The following PCSK2 variants were observed in gnomAD, a reference collection of about 807,000 sequenced individuals.
PCSK2 encodes the protein proprotein convertase subtilisin/kexin type 2.
PCSK2 carries 14 observed loss-of-function variants against 69.7 expected under a neutral mutation model. That is an observed-to-expected ratio of 0.20 (90% CI 0.13 to 0.31). PCSK2 has a LOEUF of 0.31. Among genes scored for constraint, PCSK2 ranks in the 10% least tolerant of loss-of-function variants. PCSK2 has a pLI of 1.00. For missense variants in PCSK2, 544 were observed against 842.5 expected (o/e 0.65, Z 4.39); for synonymous variants, 307 against 320.7 (o/e 0.96, Z 0.46).
intron 1 of PCSK2, among the ~76,000 whole-genome samples, chr20:17,248,566 C>A (rs556071082): frequency 6.6e-6 from 1 of 152,164 alleles, no homozygotes; most frequent in East Asian, 1.9e-4. Context: ...CAAAAAAGGC[C>A]CAGAAAAATA....
chr20:17,270,199 A>T (rs1987806075), intron 2 of PCSK2, among the ~76,000 whole-genome samples: 1 of 152,146 alleles, frequency 6.6e-6, no homozygotes, highest in Admixed American at 6.6e-5. Context: ...CTCAAAAAAA[A>T]TTTTTTTTAA....
intron 2 of PCSK2, among the ~76,000 whole-genome samples, chr20:17,314,055 T>C (rs1989600694): frequency 6.6e-6 from 1 of 150,520 alleles, no homozygotes; most frequent in Non-Finnish European, 1.5e-5. Flanking sequence ...CCACCCACCA[T>C]GTCCCTACCC....
chr20:17,357,243 G>C (rs1173462249), intron 2 of PCSK2, among the ~76,000 whole-genome samples: 1 of 152,138 alleles, frequency 6.6e-6, no homozygotes, highest in African/African-American at 2.4e-5. Flanking sequence ...CAAGAGCTTG[G>C]GGTTCTTTCT....
intron 6 of PCSK2, among the ~76,000 whole-genome samples, chr20:17,420,486 A>T (rs906169974): frequency 6.6e-6 from 1 of 152,222 alleles, no homozygotes; most frequent in Admixed American, 6.5e-5. Flanking sequence ...ACAGCATTTA[A>T]TTTTTAAATT....
chr20:17,372,759 C>T (rs966510197), intron 5 of PCSK2, among the ~76,000 whole-genome samples: 4 of 152,288 alleles, frequency 2.6e-5, no homozygotes, highest in African/African-American at 9.6e-5. Flanking sequence ...CTAACTACCT[C>T]GTGCTTGATT....
chr20:17,440,873 A>C (rs1479625944), intron 8 of PCSK2, among the ~76,000 whole-genome samples: 1 of 151,970 alleles, frequency 6.6e-6, no homozygotes, highest in African/African-American at 2.4e-5. Flanking sequence ...AAAAAAAAAA[A>C]AAAAAATGCA....
intron 5 of PCSK2, among the ~76,000 whole-genome samples, chr20:17,378,395 A>G (rs1054936053): frequency 6.6e-6 from 1 of 152,190 alleles, no homozygotes; most frequent in African/African-American, 2.4e-5. Context: ...AGTAGCCCAC[A>G]TCATTTCCTT....
intron 2 of PCSK2, among the ~76,000 whole-genome samples, chr20:17,334,632 A>G (rs1990296293): frequency 6.6e-6 from 1 of 152,088 alleles, no homozygotes; most frequent in African/African-American, 2.4e-5. Flanking sequence ...AAGGCTGGGG[A>G]GGGCCAATAG....
At chr20:17,266,819 T>C (rs1987626485) in intron 2 of PCSK2, among the ~76,000 whole-genome samples, 1 of 152,124 alleles carries the variant, frequency 6.6e-6, no homozygotes, top group African/African-American at 2.4e-5. Context: ...GTTATTGGCA[T>C]GGGTACTCCC....
chr20:17,444,976 G>C (rs1456997031), intron 8 of PCSK2, among the ~76,000 whole-genome samples: 1 of 152,178 alleles, frequency 6.6e-6, no homozygotes, highest in African/African-American at 2.4e-5. Context: ...AGATGCATAT[G>C]CTGACATTTG....
At chr20:17,365,762 GT>G (rs1402661181) in intron 4 of PCSK2, among the ~76,000 whole-genome samples, 1 of 152,218 alleles carries the variant, frequency 6.6e-6, no homozygotes, top group Non-Finnish European at 1.5e-5. Context: ...CAGGTCTCAA[GT>G]AAGTCCAAAA....
intron 4 of PCSK2, among the ~76,000 whole-genome samples, chr20:17,364,959 G>T (rs2030542422): frequency 6.6e-6 from 1 of 152,116 alleles, no homozygotes; most frequent in African/African-American, 2.4e-5. Context: ...ACTATAGTTT[G>T]GTCTTGATGT....
intron 2 of PCSK2, among the ~76,000 whole-genome samples, chr20:17,333,096 T>C (rs889758634): frequency 1.3e-5 from 2 of 152,080 alleles, no homozygotes; most frequent in African/African-American, 2.4e-5. Flanking sequence ...ACTGTGGCTA[T>C]GTAAGAGAAA....
chr20:17,449,548 G>GTATGTATGTATATATATAT (rs1371948893), intron 8 of PCSK2, among the ~76,000 whole-genome samples: 2 of 131,586 alleles, frequency 1.5e-5, no homozygotes, highest in Non-Finnish European at 1.6e-5. Flanking sequence ...ATGTATATTT[G>GTATGTATGTATATATATAT]AGACTGAGTT....
intron 1 of PCSK2, among the ~76,000 whole-genome samples, chr20:17,258,369 A>C (rs1018853610): frequency 5.2e-4 from 79 of 152,284 alleles, no homozygotes; most frequent in Admixed American, 1.7e-3. Flanking sequence ...TTGATTTGGC[A>C]ATTTTTTTCA....
intron 5 of PCSK2, among the ~76,000 whole-genome samples, chr20:17,377,755 A>G (rs1391028543): frequency 3.3e-5 from 5 of 152,242 alleles, no homozygotes; most frequent in Admixed American, 6.5e-5. Flanking sequence ...TCACTTTGAT[A>G]GACCGTCAGT....
chr20:17,301,484 G>A (rs1379997941), intron 2 of PCSK2, among the ~76,000 whole-genome samples: 1 of 152,096 alleles, frequency 6.6e-6, no homozygotes, highest in Non-Finnish European at 1.5e-5. Context: ...TTTCCATAAG[G>A]AGACATTTGA....
chr20:17,249,335 T>C (rs1986884349), intron 1 of PCSK2, among the ~76,000 whole-genome samples: 1 of 151,776 alleles, frequency 6.6e-6, no homozygotes, highest in Non-Finnish European at 1.5e-5. Context: ...TGAAACCCCG[T>C]CTGTACTAAA....
intron 5 of PCSK2, among the ~76,000 whole-genome samples, chr20:17,384,063 C>T (rs967283908): frequency 1.3e-5 from 2 of 152,114 alleles, no homozygotes; most frequent in Non-Finnish European, 2.9e-5. Flanking sequence ...TATACACTCT[C>T]ATTTTGATAT....
Sources: gnomAD v4.1 joint callset for allele counts (sites outside exome capture counted in the v4.1 genomes callset) on GRCh38, gnomAD v4.1.1 for gene constraint, MANE v1.5 for transcripts, NCBI Gene and HGNC (gene_info 2026-07-23, HGNC 2026-07-21) for gene names.